The following CCDC12 variants were observed in gnomAD, a reference collection of about 807,000 sequenced individuals.
CCDC12 encodes the protein coiled-coil domain-containing protein 12.
In CCDC12, 28 loss-of-function variants were observed where a neutral mutation model predicts 25.7. That is an observed-to-expected ratio of 1.09 (90% CI 0.81 to 1.50). The LOEUF is 1.50. Among genes scored for constraint, CCDC12 ranks in the 40% most tolerant of loss-of-function variants. The probability of loss-of-function intolerance (pLI) is 0.00; values close to 1 mark genes in which losing one functional copy is unlikely to be tolerated. For synonymous variants in CCDC12, 75 were observed against 87.7 expected, an observed-to-expected ratio of 0.86 and a Z score of 0.81; for missense variants, 198 against 210.0, an observed-to-expected ratio of 0.94 and a Z score of 0.35.
intron 1 of CCDC12, among the ~76,000 whole-genome samples, chr3:46,955,631 T>G (rs1035511950): frequency 7.2e-5 from 11 of 152,212 alleles, no homozygotes; most frequent in African/African-American, 2.2e-4. Context: ...TGGGCCTGCC[T>G]GATGGGCTAC....
intron 5 of CCDC12, 38 bp from the exon 6 acceptor site, chr3:46,922,350 G>T: frequency 1.2e-6 from 2 of 1,611,444 alleles, no homozygotes; most frequent in South Asian, 2.2e-5. Context: ...GAAGGTGAAG[G>T]CTGGCCTGAT....
At chr3:46,955,668 C>T (rs1267543941) in intron 1 of CCDC12, among the ~76,000 whole-genome samples, 1 of 152,156 alleles carries the variant, frequency 6.6e-6, no homozygotes, top group South Asian at 2.1e-4. Flanking sequence ...GCACTGAGAA[C>T]CTGGAGGACA....
At chr3:46,965,025 A>G (rs2034598761) in intron 1 of CCDC12, among the ~76,000 whole-genome samples, 1 of 152,146 alleles carries the variant, frequency 6.6e-6, no homozygotes, top group Non-Finnish European at 1.5e-5. Context: ...CAAGAGGACC[A>G]TAAGGAAAAA....
intron 1 of CCDC12, among the ~76,000 whole-genome samples, chr3:46,944,801 C>T (rs2033842337): frequency 6.6e-6 from 1 of 152,166 alleles, no homozygotes; most frequent in South Asian, 2.1e-4. Flanking sequence ...TTCCTGGCCT[C>T]CTCTTCAAAG....
intron 1 of CCDC12, among the ~76,000 whole-genome samples, chr3:46,959,854 C>T (rs1427458221): frequency 6.6e-6 from 1 of 152,178 alleles, no homozygotes; most frequent in African/African-American, 2.4e-5. Context: ...CTCTCCATGC[C>T]ATCCACTCAA....
intron 1 of CCDC12, among the ~76,000 whole-genome samples, chr3:46,965,007 A>G (rs2034598354): frequency 6.6e-6 from 1 of 152,024 alleles, no homozygotes; most frequent in Non-Finnish European, 1.5e-5. Flanking sequence ...AGAGAGAACT[A>G]ACTCAGTCAA....
intron 1 of CCDC12, among the ~76,000 whole-genome samples, chr3:46,946,093 T>A (rs1323272439): frequency 6.6e-6 from 1 of 152,190 alleles, no homozygotes; most frequent in East Asian, 1.9e-4. Context: ...AGCAGGTCAA[T>A]CAACAACCAG....
At chr3:46,936,239 T>G (rs934124247) in intron 2 of CCDC12, among the ~76,000 whole-genome samples, 1 of 152,234 alleles carries the variant, frequency 6.6e-6, no homozygotes, top group Non-Finnish European at 1.5e-5. Context: ...CTCTACAAAG[T>G]GGTTCCTAAT....
upstream of CCDC12, among the ~76,000 whole-genome samples, chr3:46,980,158 G>T (rs970702316): frequency 6.6e-6 from 1 of 152,154 alleles, no homozygotes; most frequent in Non-Finnish European, 1.5e-5. Flanking sequence ...CCACCCCCGC[G>T]AGCAGGACCG....
intron 2 of CCDC12, chr3:46,940,743 A>C: frequency 1.9e-6 from 1 of 527,742 alleles, no homozygotes; most frequent in South Asian, 2.6e-5. Context: ...AAAAAGGCAT[A>C]ATGTAAGGGC....
In CCDC12 at chr3:46,922,215, CT is replaced by C; in HGVS notation, c.418+20del. The C allele has an allele frequency of 6.2e-7, 1 of 1,614,238 alleles. No individual in the cohort carries two copies. Among genetic ancestry groups the C allele is most frequent in the Non-Finnish European group, 8.5e-7 (1 of 1,180,008 alleles). On this transcript the variant is annotated intron_variant, in intron 6 of 6. Coordinates refer to ENST00000683445, the MANE Select transcript of CCDC12 (RefSeq NM_001277074.2). The stretch of plus-strand genomic sequence containing the variant: ...CACCACCCAGTGGGCAGGACCCCAC[CT>C]TCCCAGGCACTGCACTTACGGATCA...
chr3:46,941,252 T>A (rs1210259096), intron 1 of CCDC12, among the ~76,000 whole-genome samples, 187 bp from the exon 2 acceptor site: 1 of 152,174 alleles, frequency 6.6e-6, no homozygotes, highest in Non-Finnish European at 1.5e-5. Context: ...CCTCATTGCC[T>A]GTGCAGAATT....
At chr3:46,923,066 C>T (rs890043875) in intron 5 of CCDC12, 3 of 363,010 alleles carry the variant, frequency 8.3e-6, no homozygotes, top group Middle Eastern at 6.9e-4. Flanking sequence ...AGCTCTGGAG[C>T]AGATGGGCTC....
chr3:46,957,353 T>C (rs539576959), intron 1 of CCDC12, among the ~76,000 whole-genome samples: 9 of 152,302 alleles, frequency 5.9e-5, no homozygotes, highest in East Asian at 3.9e-4. Context: ...ATTTTTCTTA[T>C]GAAATGTTGG....
intron 2 of CCDC12, among the ~76,000 whole-genome samples, chr3:46,938,876 C>T (rs936144890): frequency 1.3e-5 from 2 of 152,050 alleles, no homozygotes; most frequent in African/African-American, 4.8e-5. Context: ...AAAAATCACA[C>T]ATCATAGAGC....
chr3:46,941,344 C>T (rs1327190286), intron 1 of CCDC12, among the ~76,000 whole-genome samples: 6 of 152,140 alleles, frequency 3.9e-5, no homozygotes, highest in Non-Finnish European at 8.8e-5. Context: ...GGGCGGATCT[C>T]GAGGTCAGGA....
intron 1 of CCDC12, among the ~76,000 whole-genome samples, chr3:46,962,735 C>T (rs1308040770): frequency 4.6e-5 from 7 of 152,260 alleles, no homozygotes; most frequent in Admixed American, 3.3e-4. Flanking sequence ...ACTAACTATA[C>T]CAAGTATTAG....
At chr3:46,954,416 C>A (rs569677088) in intron 1 of CCDC12, among the ~76,000 whole-genome samples, 1 of 152,164 alleles carries the variant, frequency 6.6e-6, no homozygotes, top group Non-Finnish European at 1.5e-5. Context: ...GTAAATGATA[C>A]CCTTTCGCCT....
chr3:46,957,996 C>CACAT (rs113627328), intron 1 of CCDC12, among the ~76,000 whole-genome samples: 5,433 of 142,536 alleles, frequency 0.038, 224 homozygotes, highest in African/African-American at 0.084. Context: ...CACACACACA[C>CACAT]ATATATATGT....
Sources: allele counts gnomAD v4.1 joint callset (sites outside exome capture counted in the v4.1 genomes callset), GRCh38; gene constraint gnomAD v4.1.1; transcripts MANE v1.5; gene names NCBI Gene and HGNC (gene_info 2026-07-23, HGNC 2026-07-21).